Variants in RINT1 observed in about 807,000 individuals in gnomAD.
The protein encoded by RINT1 is RAD50 interactor 1.
A neutral mutation model predicts 97.7 loss-of-function variants in RINT1; 75 were observed. The observed-to-expected ratio is 0.77, with a 90% CI of 0.64 to 0.93. The LOEUF (loss-of-function observed/expected upper bound fraction) is 0.93, where lower values mean the gene tolerates loss of function less well. Ranked by LOEUF, RINT1 falls within the 40% of genes least tolerant of loss-of-function variation. The pLI is 0.00. For missense variants in RINT1, 892 were observed against 925.2 expected (o/e 0.96, Z 0.47); for synonymous variants, 303 against 326.3 (o/e 0.93, Z 0.77).
chr7:105,547,369 C>A, intron 6 of RINT1, 36 bp downstream of exon 6: 1 of 1,605,500 alleles, frequency 6.2e-7, no homozygotes, highest in Non-Finnish European at 8.5e-7. Flanking sequence ...ACTAAAATTT[C>A]TTTTTTCTAG....
chr7:105,539,270 T>C, intron 3 of RINT1, among the ~76,000 whole-genome samples: 1 of 152,164 alleles, frequency 6.6e-6, no homozygotes, highest in East Asian at 1.9e-4. Flanking sequence ...AGATTCCTTC[T>C]TATCATCCTC....
Position 105,547,196 on chromosome 7 carries a change from A to T in RINT1, c.702A>T (p.Glu234Asp). 6.2e-7 allele frequency: 1 copy of T among 1,614,112 alleles called. No individual in the cohort carries two copies. ...TTTTCCATTGCAGTGATTTTGAGGA[A>T]ATTTTAGCACAGCTTCATTGGCCAT... ...LKDKLTSDFE[E>D]ILAQLHWPFI... The change falls in exon 6 of 15, where the codon GAA becomes GAT. Residue 234 changes from glutamate to aspartate, a missense_variant. Transcript: ENST00000257700.
At chr7:105,541,128 G>A (rs1404666269) in intron 3 of RINT1, among the ~76,000 whole-genome samples, 4 of 150,294 alleles carry the variant, frequency 2.7e-5, no homozygotes, top group Non-Finnish European at 5.9e-5. Flanking sequence ...GTGAGTCACC[G>A]CACCCAGCTT....
In RINT1 at chr7:105,567,603, T is replaced by C; in HGVS notation, c.*292T>C. 1.8e-6 allele frequency: 1 copy of C among 570,478 alleles called. No individual in the cohort carries two copies. The highest frequency in any genetic ancestry group is 2.4e-5 in the South Asian group (1 of 41,670). The allele number at this position is 570,478 out of a possible 1,614,324, so 35.3% of individuals were successfully genotyped here. ...AGAGATATTAAATTATAACCAACTT[T>C]CAATTTCCTGTGCTAATTAAGGGAA... On this transcript the variant is annotated 3_prime_UTR_variant, in exon 15 of 15. Coordinates refer to ENST00000257700, the MANE Select transcript of RINT1 (RefSeq NM_021930.6).
chr7:105,551,780 A>T, intron 10 of RINT1, 73 bp downstream of exon 10: 1 of 1,329,280 alleles, frequency 7.5e-7, no homozygotes, highest in East Asian at 2.4e-5. Flanking sequence ...AAAGTAGCTC[A>T]GTAGGCTGGG....
Position 105,567,186 on chromosome 7 carries a change from C to T in RINT1, c.2254C>T (p.Gln752Ter), listed in dbSNP as rs1294898146. 3 of 1,611,400 alleles carry T rather than the reference C, an allele frequency of 1.9e-6. No homozygotes were observed. The highest frequency in any genetic ancestry group is 1.7e-6 in the Non-Finnish European group (2 of 1,179,294). ...GSALLLKDVL[Q>*]SASGQLPATA... ...TGCACTACTGCTGAAAGATGTACTG[C>T]AGTCAGCTTCAGGGCAGCTTCCTGC... The change falls in exon 15 of 15, where the codon CAG becomes TAG. Residue 752 changes from glutamine to a stop codon, truncating the protein, a stop_gained. Transcript: ENST00000257700. LOFTEE classifies it high-confidence loss of function.
intron 6 of RINT1, among the ~76,000 whole-genome samples, chr7:105,548,257 G>A (rs924070851): frequency 6.6e-6 from 1 of 151,636 alleles, no homozygotes; most frequent in Non-Finnish European, 1.5e-5. Context: ...TCAAATTCCT[G>A]TGAAGTGGCC....
chr7:105,564,945 C>T (rs1451315198), intron 12 of RINT1, among the ~76,000 whole-genome samples: 1 of 151,996 alleles, frequency 6.6e-6, no homozygotes. Flanking sequence ...GCCTGGCCAA[C>T]AGAGCGAGAC....
chr7:105,555,273 CT>C, intron 11 of RINT1, 46 bp downstream of exon 11: 2 of 1,461,636 alleles, frequency 1.4e-6, no homozygotes, highest in Non-Finnish European at 9.4e-7. Flanking sequence ...CTAGTTCGAA[CT>C]ATTTTATTAA....
Position 105,555,042 on chromosome 7 carries a change from C to T in RINT1, c.1486C>T (p.Leu496Phe). The T allele has an allele frequency of 6.2e-7, 1 of 1,613,440 alleles. No homozygotes were observed. The highest frequency in any genetic ancestry group is 1.7e-5 in the Admixed American group (1 of 59,814). The change falls in exon 11 of 15, where the codon CTT becomes TTT. Residue 496 changes from leucine to phenylalanine, a missense_variant. Transcript: ENST00000257700. ...LLVITDRYKNLPTASRKLQFL... is the reference protein window; with the variant it reads ...LLVITDRYKNFPTASRKLQFL... Reference sequence around the variant, plus strand: ...TTTTTCCACAGACAGGTATAAAAATCTTCCCACAGCTTCCCGAAAGCTTCA... The same window carrying T: ...TTTTTCCACAGACAGGTATAAAAATTTTCCCACAGCTTCCCGAAAGCTTCA...
chr7:105,542,499 A>G lies in RINT1; in HGVS notation c.365A>G (p.Glu122Gly). The change falls in exon 4 of 15, where the codon GAG becomes GGG. Residue 122 changes from glutamate (E) to glycine (G), a missense_variant. By Grantham distance (98) the Glu-to-Gly change is moderately conservative. Coordinates refer to ENST00000257700, the MANE Select transcript of RINT1 (RefSeq NM_021930.6). ...AAGCAATTTCTTAATCAGTTTCTGG[A>G]GCAGGAAACTCATCTCTTCAGCGCC... Reference protein sequence around the residue: ...ESKQFLNQFLEQETHLFSAIN... With the variant: ...ESKQFLNQFLGQETHLFSAIN... The G allele has an allele frequency of 2.5e-6, 4 of 1,613,978 alleles. No individual in the cohort carries two copies. The highest frequency in any genetic ancestry group is 3.4e-6 in the Non-Finnish European group (4 of 1,179,866).
intron 7 of RINT1, among the ~76,000 whole-genome samples, chr7:105,549,306 C>T (rs531004773): frequency 6.6e-6 from 1 of 151,148 alleles, no homozygotes; most frequent in Non-Finnish European, 1.5e-5. Context: ...TATTTCTGCT[C>T]TTAAACCTGT....
At chr7:105,563,032 G>A (rs1586265110) in intron 11 of RINT1, among the ~76,000 whole-genome samples, 1 of 152,088 alleles carries the variant, frequency 6.6e-6, no homozygotes, top group African/African-American at 2.4e-5. Context: ...ATAAAATGTG[G>A]TCTATCTATA....
At chr7:105,565,486 G>A (rs1401025287) in intron 13 of RINT1, 29 bp downstream of exon 13, 1 of 1,610,616 alleles carries the variant, frequency 6.2e-7, no homozygotes, top group African/African-American at 1.3e-5. Context: ...TTTTTGGGCT[G>A]TGATAATAAA....
At chr7:105,543,112 G>C (rs12386591) in intron 4 of RINT1, among the ~76,000 whole-genome samples, 7 of 151,934 alleles carry the variant, frequency 4.6e-5, no homozygotes, top group Non-Finnish European at 7.4e-5. Context: ...GGATGGTCTC[G>C]ATCTCTTGAC....
chr7:105,540,501 A>T (rs982350114), intron 3 of RINT1, among the ~76,000 whole-genome samples: 1 of 152,108 alleles, frequency 6.6e-6, no homozygotes, highest in Non-Finnish European at 1.5e-5. Flanking sequence ...ACCTCAAGTG[A>T]TCCACCAGCT....
At chr7:105,537,559 G>A (rs1308764714) in intron 3 of RINT1, among the ~76,000 whole-genome samples, 1 of 151,888 alleles carries the variant, frequency 6.6e-6, no homozygotes. Flanking sequence ...GCCTGGCACG[G>A]TGGCTCACAC....
rs1336772866 is a variant in RINT1 at position 105,548,698 on chromosome 7, T to TGTGTTAAG, written c.985_992dup (p.Ser331ArgfsTer3). Reference sequence around the variant, plus strand: ...ACTTCAGAGGGAACCGGCAGACTAATGTGTTAAGCAAGGTGTGTTTTGCCA... The same window carrying TGTGTTAAG: ...ACTTCAGAGGGAACCGGCAGACTAATGTGTTAAGGTGTTAAGCAAGGTGTGTTTTGCCA... On this transcript the variant is annotated frameshift_variant, in exon 7 of 15. Transcript: ENST00000257700. LOFTEE classifies it high-confidence loss of function. 3 of 1,611,270 alleles carry TGTGTTAAG rather than the reference T, an allele frequency of 1.9e-6. No homozygotes were observed. The highest frequency in any genetic ancestry group is 1.7e-6 in the Non-Finnish European group (2 of 1,178,402).
chr7:105,533,260 G>A (rs1443938897), intron 2 of RINT1, among the ~76,000 whole-genome samples: 1 of 152,152 alleles, frequency 6.6e-6, no homozygotes, highest in East Asian at 1.9e-4. Context: ...GTTCAAAGGA[G>A]GCAAATGACA....
Sources: gnomAD v4.1 joint callset for allele counts (sites outside exome capture counted in the v4.1 genomes callset) on GRCh38, gnomAD v4.1.1 for gene constraint, MANE v1.5 for transcripts, NCBI Gene and HGNC (gene_info 2026-07-23, HGNC 2026-07-21) for gene names.